TYW5: variants seen among roughly 807,000 people sequenced by gnomAD.
TYW5 encodes the protein tRNA wybutosine-synthesizing protein 5.
A neutral mutation model predicts 44.4 loss-of-function variants in TYW5; 36 were observed. That is an observed-to-expected ratio of 0.81 (90% confidence interval 0.62 to 1.07). TYW5 has a LOEUF of 1.07. TYW5 is among the 50% of genes least tolerant of loss of function. TYW5 has a pLI of 0.00. For missense variants in TYW5, 354 were observed against 365.7 expected, an observed-to-expected ratio of 0.97 and a Z score of 0.26; for synonymous variants, 121 against 128.1, an observed-to-expected ratio of 0.94 and a Z score of 0.37.
chr2:199,953,897 T>C (rs565748914), intron 1 of TYW5, among the ~76,000 whole-genome samples: 1 of 152,312 alleles, frequency 6.6e-6, no homozygotes, highest in African/African-American at 2.4e-5. Context: ...CTATGACTCT[T>C]ACAAAGCACT....
At chr2:199,935,222 TAATA>T (rs890074014) in intron 7 of TYW5, among the ~76,000 whole-genome samples, 34 of 152,154 alleles carry the variant, frequency 2.2e-4, no homozygotes, top group Admixed American at 3.9e-4. Context: ...TTGAAAATAA[TAATA>T]AATAAATAAA....
At position 199,929,970 on chromosome 2, in the gene TYW5, ATTTTTT is replaced by A. The variant is rs35165461; in HGVS notation, c.*3091_*3096del. 1.0e-4 allele frequency: 9 copies of A among 89,856 alleles called. No homozygotes were observed. Among genetic ancestry groups the A allele is most frequent in the East Asian group, 3.2e-4 (1 of 3,134 alleles). 5.6% of individuals were successfully genotyped at this position (89,856 alleles called of 1,614,324 possible). ...ACCACTCCCCAGCTCTGCATATAAT[ATTTTTT>A]TTTTTTTTTTTTTTTTTGAGACAGG... On this transcript the variant is annotated 3_prime_UTR_variant, in exon 8 of 8. Coordinates refer to ENST00000354611, the MANE Select transcript of TYW5 (RefSeq NM_001039693.3).
At chr2:199,943,725 G>C (rs779564912) in intron 3 of TYW5, 40 bp downstream of exon 3, 46 of 1,480,662 alleles carry the variant, frequency 3.1e-5, no homozygotes, top group Non-Finnish European at 4.1e-5. Context: ...TTAGTATATA[G>C]ATATTAATGC....
At chr2:199,953,824 A>G (rs113694794) in intron 1 of TYW5, among the ~76,000 whole-genome samples, 9 of 152,176 alleles carry the variant, frequency 5.9e-5, no homozygotes, top group African/African-American at 1.9e-4. Flanking sequence ...GACTTTTTAA[A>G]ATGTAATGAT....
At chr2:199,947,633 T>C (rs988899017) in intron 2 of TYW5, 4 of 152,236 alleles carry the variant, frequency 2.6e-5, no homozygotes, top group African/African-American at 9.6e-5. Context: ...ATGAGCCTTT[T>C]AGAATTTCCT....
intron 5 of TYW5, among the ~76,000 whole-genome samples, chr2:199,937,527 G>C (rs2077430158): frequency 2.6e-5 from 4 of 151,990 alleles, no homozygotes; most frequent in African/African-American, 7.2e-5. Context: ...AAATTAGCCG[G>C]GTGTGGTTGT....
In TYW5 at chr2:199,932,779, A is replaced by G; in HGVS notation, c.*288T>C. On this transcript the variant is annotated 3_prime_UTR_variant, in exon 8 of 8. Coordinates refer to ENST00000354611, the MANE Select transcript of TYW5 (RefSeq NM_001039693.3). Reference sequence around the variant, plus strand: ...TGAATCATTGGATCAGAAACACTGCAGCACATTCTGTCAATAGATTTCATG... The same window carrying G: ...TGAATCATTGGATCAGAAACACTGCGGCACATTCTGTCAATAGATTTCATG... The G allele has an allele frequency of 2.9e-6, 1 of 345,354 alleles. No homozygotes were observed. Among genetic ancestry groups the G allele is most frequent in the Admixed American group, 4.6e-5 (1 of 21,900 alleles). 21.4% of individuals were successfully genotyped at this position (345,354 alleles called of 1,614,324 possible).
At position 199,943,814 on chromosome 2, in the gene TYW5, A is replaced by C; in HGVS notation, c.254T>G (p.Leu85Trp). 1 of 1,609,904 alleles carries C rather than the reference A, an allele frequency of 6.2e-7. No homozygotes were observed. Among genetic ancestry groups the C allele is most frequent in the South Asian group, 1.1e-5 (1 of 89,804 alleles). Residue 85 changes from leucine to tryptophan, a missense_variant, in exon 3 of 8, where the codon TTG becomes TGG. Leu to Trp is a moderately conservative substitution (Grantham distance 61, BLOSUM62 -2). Transcript: ENST00000354611. ...FVYRTLPFDQLVQRAAEEKHK... is the reference protein window; with the variant it reads ...FVYRTLPFDQWVQRAAEEKHK... Reference sequence around the variant, plus strand: ...TTTCTCTTCAGCTGCCCTCTGGACCAACTGGTCAAAAGGTAAAGTTCTGAA... The same window carrying C: ...TTTCTCTTCAGCTGCCCTCTGGACCCACTGGTCAAAAGGTAAAGTTCTGAA...
At position 199,932,214 on chromosome 2, in the gene TYW5, CT is replaced by C. The variant is rs1298266954; in HGVS notation, c.*852del. 5 of 152,258 alleles carry C rather than the reference CT, an allele frequency of 3.3e-5. No individual in the cohort carries two copies. The East Asian group carries it at 7.7e-4, about 24-fold the overall frequency. The allele number at this position is 152,258 out of a possible 1,614,324, so 9.4% of individuals were successfully genotyped here. A position where few individuals can be genotyped will look rare whatever the true frequency, so the allele number is the denominator to read the frequency against. ...ACACCCTGTGAGGTCTATTAAGTTC[CT>C]ATACCAAATCCCAAACACTCTTGAA... On this transcript the variant is annotated 3_prime_UTR_variant, in exon 8 of 8. Coordinates refer to ENST00000354611, the MANE Select transcript of TYW5 (RefSeq NM_001039693.3).
chr2:199,943,615 A>G, intron 3 of TYW5, 150 bp downstream of exon 3: 1 of 594,868 alleles, frequency 1.7e-6, no homozygotes, highest in African/African-American at 1.9e-5. Context: ...AATAAATAGC[A>G]GAGCTACAGT....
intron 4 of TYW5, among the ~76,000 whole-genome samples, chr2:199,939,403 C>T (rs566834137): frequency 1.1e-4 from 16 of 152,216 alleles, no homozygotes; most frequent in Admixed American, 2.6e-4. Flanking sequence ...CTTGCCTGGC[C>T]GATACATGAT....
intron 4 of TYW5, among the ~76,000 whole-genome samples, chr2:199,939,531 A>C (rs1288545201): frequency 6.6e-6 from 1 of 152,238 alleles, no homozygotes; most frequent in African/African-American, 2.4e-5. Context: ...AGCAAATTAC[A>C]CAAATGTCAT....
At chr2:199,942,500 C>G (rs2077473476) in intron 3 of TYW5, 1 of 152,212 alleles carries the variant, frequency 6.6e-6, no homozygotes, top group African/African-American at 2.4e-5. Flanking sequence ...ATTTCTTTTA[C>G]TTCACATTTC....
At chr2:199,933,365 G>GT (rs750635299) in intron 7 of TYW5, 42 bp from the exon 8 acceptor site, 54 of 1,530,228 alleles carry the variant, frequency 3.5e-5, no homozygotes, top group Middle Eastern at 1.8e-4. Flanking sequence ...AAAACCTACA[G>GT]TTAAAAAAAA....
chr2:199,950,599 G>A (rs991040971), intron 1 of TYW5, among the ~76,000 whole-genome samples: 15 of 152,064 alleles, frequency 9.9e-5, no homozygotes, highest in Admixed American at 2.6e-4. Context: ...AGGTACACTG[G>A]CATGTCTAAA....
intron 7 of TYW5, among the ~76,000 whole-genome samples, chr2:199,933,954 C>T (rs1410689753): frequency 6.6e-6 from 1 of 151,976 alleles, no homozygotes; most frequent in Non-Finnish European, 1.5e-5. Context: ...TATTATATAC[C>T]TAATTAATTT....
At chr2:199,946,222 A>ATT (rs1279783508) in intron 2 of TYW5, 2 of 152,246 alleles carry the variant, frequency 1.3e-5, no homozygotes, top group Admixed American at 6.5e-5. Flanking sequence ...AGTAGCTGAT[A>ATT]TATAATAAGT....
In TYW5 at chr2:199,936,037, T is replaced by C. The variant is rs776690852; in HGVS notation, c.585A>G (p.Ser195=). The change falls in exon 7 of 8, where the codon TCA becomes TCG. Residue 195 remains serine (S), a synonymous_variant. Transcript: ENST00000354611. ...AQYLYLKGTK[S]EVLNIDNPDL... is the part of the protein sequence containing the mutation. ...CTGGGTTATCTATATTCAGTACTTCTGATTTAGTACCTAAAAAGTTCCAAA... is the reference window on the plus strand; with the variant it reads ...CTGGGTTATCTATATTCAGTACTTCCGATTTAGTACCTAAAAAGTTCCAAA... 7.5e-6 allele frequency: 12 copies of C among 1,598,686 alleles called. No individual in the cohort carries two copies. The highest frequency in any genetic ancestry group is 1.7e-4 in the Middle Eastern group (1 of 6,002).
Position 199,935,925 on chromosome 2 carries a change from T to C in TYW5, c.691+6A>G, listed in dbSNP as rs372251279. 4 of 1,576,878 alleles carry C rather than the reference T, an allele frequency of 2.5e-6. No individual in the cohort carries two copies. The African/African-American group carries it at 5.4e-5, about 21-fold the overall frequency. On this transcript the variant is annotated splice_donor_region_variant and intron_variant, in intron 7 of 7. Transcript: ENST00000354611. ...ATAGCACATTAGTGAGGTCTAGAAA[T>C]CTTACCAGGAATGAATAATACATCA...
Sources: gnomAD v4.1 joint callset for allele counts (sites outside exome capture counted in the v4.1 genomes callset) on GRCh38, gnomAD v4.1.1 for gene constraint, MANE v1.5 for transcripts, NCBI Gene and HGNC (gene_info 2026-07-23, HGNC 2026-07-21) for gene names.